GPR158: variants seen among roughly 807,000 people sequenced by gnomAD.
The protein encoded by GPR158 is G protein-coupled receptor 158.
Under a neutral mutation model 78.2 loss-of-function variants are expected in GPR158, and 30 were observed. The ratio of observed to expected loss-of-function variants is 0.38; its 90% CI spans 0.29 to 0.52. The LOEUF (loss-of-function observed/expected upper bound fraction) is 0.52, where lower values mean the gene tolerates loss of function less well. GPR158 is among the 20% of genes least tolerant of loss of function. The pLI is 0.83. For missense variants in GPR158, 1,463 were observed against 1,523.5 expected (o/e 0.96, Z 0.66); for synonymous variants, 581 against 591.1 (o/e 0.98, Z 0.25).
In GPR158 at chr10:25,187,811, G is replaced by C. The variant is rs533553184; in HGVS notation, c.902+11489G>C. Reference sequence around the variant, plus strand: ...AATCAGGCAGGAGAAAGAAATAAAGGGTATTCAATTAGGAAAAGAGGAAGT... The same window carrying C: ...AATCAGGCAGGAGAAAGAAATAAAGCGTATTCAATTAGGAAAAGAGGAAGT... On this transcript the variant is annotated intron_variant, in intron 1 of 10. Coordinates refer to ENST00000376351, the MANE Select transcript of GPR158 (RefSeq NM_020752.3). Among the ~76,000 whole-genome samples the C allele has an allele frequency of 2.6e-4, 40 of 152,138 alleles. 1 individual carries two copies. The East Asian group carries it at 7.7e-3, about 29-fold the overall frequency.
intron 5 of GPR158, among the ~76,000 whole-genome samples, chr10:25,498,319 T>C (rs533908607): frequency 6.6e-6 from 1 of 152,204 alleles, no homozygotes; most frequent in Non-Finnish European, 1.5e-5. Context: ...TCATTCATTA[T>C]GTTGAGAATT....
chr10:25,266,120 T>C (rs1854042153), intron 2 of GPR158, among the ~76,000 whole-genome samples: 1 of 152,200 alleles, frequency 6.6e-6, no homozygotes, highest in Non-Finnish European at 1.5e-5. Context: ...TTAATCCCTG[T>C]AGCCTTCAGA....
At chr10:25,463,107 T>C (rs1177861351) in intron 4 of GPR158, among the ~76,000 whole-genome samples, 1 of 152,164 alleles carries the variant, frequency 6.6e-6, no homozygotes, top group Admixed American at 6.6e-5. Flanking sequence ...ACCACCCTTA[T>C]CAGTCAGCAG....
chr10:25,481,747 CAG>C lies in GPR158; in HGVS notation c.1404+15031_1404+15032del, dbSNP rs538861732. On this transcript the variant is annotated intron_variant, in intron 5 of 10. Coordinates refer to ENST00000376351, the MANE Select transcript of GPR158 (RefSeq NM_020752.3). Reference sequence around the variant, plus strand: ...ACCATTTTCCTTCCCACCAGCAATGCAGAGTGTTTCAACTTCTCCATATCCAC... The same window carrying C: ...ACCATTTTCCTTCCCACCAGCAATGCAGTGTTTCAACTTCTCCATATCCAC... 1.8e-3 allele frequency among the ~76,000 whole-genome samples: 280 copies of C among 152,272 alleles called. 2 individuals carry two copies. The highest frequency in any genetic ancestry group is 6.2e-3 in the African/African-American group (258 of 41,550).
At chr10:25,374,094 A>T (rs1834042380) in intron 2 of GPR158, among the ~76,000 whole-genome samples, 1 of 151,696 alleles carries the variant, frequency 6.6e-6, no homozygotes, top group Non-Finnish European at 1.5e-5. Context: ...TATTAAGTTT[A>T]AATGTATATT....
intron 5 of GPR158, among the ~76,000 whole-genome samples, chr10:25,515,481 C>G (rs1836153435): frequency 6.9e-6 from 1 of 145,710 alleles, no homozygotes; most frequent in Non-Finnish European, 1.5e-5. Context: ...AACTCGTCAT[C>G]TAGCATTAGG....
At chr10:25,406,152 C>A (rs921737286) in intron 3 of GPR158, among the ~76,000 whole-genome samples, 1 of 152,130 alleles carries the variant, frequency 6.6e-6, no homozygotes, top group Non-Finnish European at 1.5e-5. Flanking sequence ...AATTTATTTT[C>A]TTTTCTGCCT....
chr10:25,495,347 G>A (rs1835866814), intron 5 of GPR158, among the ~76,000 whole-genome samples: 1 of 143,056 alleles, frequency 7.0e-6, no homozygotes, highest in Non-Finnish European at 1.5e-5. Flanking sequence ...CATCAGGCTG[G>A]AGTGGCACGA....
At chr10:25,324,498 T>C (rs1854999423) in intron 2 of GPR158, among the ~76,000 whole-genome samples, 1 of 152,162 alleles carries the variant, frequency 6.6e-6, no homozygotes, top group Admixed American at 6.5e-5. Context: ...GTTCATGGTA[T>C]CCCAAACAAT....
chr10:25,238,065 C>CCCTT (rs1554786775), intron 2 of GPR158, among the ~76,000 whole-genome samples: 2 of 151,800 alleles, frequency 1.3e-5, no homozygotes, highest in East Asian at 3.9e-4. Context: ...TCTTTTCTCT[C>CCCTT]CTTCTTCTTC....
chr10:25,553,196 A>G (rs1836748209), intron 6 of GPR158, among the ~76,000 whole-genome samples: 1 of 152,242 alleles, frequency 6.6e-6, no homozygotes, highest in African/African-American at 2.4e-5. Flanking sequence ...TAAAGAAATT[A>G]TTAGCTGATG....
Position 25,266,230 on chromosome 10 carries a change from C to G in GPR158, c.1008+45073C>G, listed in dbSNP as rs373756861. 2.0e-3 allele frequency among the ~76,000 whole-genome samples: 306 copies of G among 152,270 alleles called. 12 individuals are homozygous for G. In the South Asian group the frequency reaches 0.057, roughly 28 times the overall value. ...GGTTTCTTTCTTTCAGAGAAGTTAT[C>G]TCTGTCTGAAATTTACATGTTTAAG... On this transcript the variant is annotated intron_variant, in intron 2 of 10. Coordinates refer to ENST00000376351, the MANE Select transcript of GPR158 (RefSeq NM_020752.3).
At chr10:25,590,526 C>G (rs1837327860) in intron 8 of GPR158, among the ~76,000 whole-genome samples, 1 of 152,192 alleles carries the variant, frequency 6.6e-6, no homozygotes, top group African/African-American at 2.4e-5. Flanking sequence ...AGAGCTCAAA[C>G]AGCCTTGACA....
At chr10:25,358,834 A>G (rs1182847125) in intron 2 of GPR158, among the ~76,000 whole-genome samples, 1 of 152,134 alleles carries the variant, frequency 6.6e-6, no homozygotes, top group African/African-American at 2.4e-5. Context: ...ATATACTTAC[A>G]TAACTTTAAT....
intron 2 of GPR158, among the ~76,000 whole-genome samples, chr10:25,379,434 A>G (rs771081530): frequency 1.3e-5 from 2 of 152,154 alleles, no homozygotes; most frequent in Non-Finnish European, 2.9e-5. Flanking sequence ...GGCTCAAACT[A>G]GTTTTTATTC....
chr10:25,501,662 C>T (rs903114257), intron 5 of GPR158, among the ~76,000 whole-genome samples: 2 of 152,124 alleles, frequency 1.3e-5, no homozygotes, highest in East Asian at 1.9e-4. Context: ...GGCCAGTGTG[C>T]GCTCAGAGAG....
intron 2 of GPR158, among the ~76,000 whole-genome samples, chr10:25,319,595 A>G (rs1254264162): frequency 6.6e-6 from 1 of 152,216 alleles, no homozygotes; most frequent in Non-Finnish European, 1.5e-5. Flanking sequence ...CTAGTTAATG[A>G]GGAACCTTAT....
At chr10:25,449,966 A>C (rs1835191587) in intron 4 of GPR158, among the ~76,000 whole-genome samples, 1 of 151,084 alleles carries the variant, frequency 6.6e-6, no homozygotes, top group South Asian at 2.1e-4. Context: ...AGAGCTAAGT[A>C]AACTGAGAAG....
At chr10:25,285,269 A>C (rs1040127905) in intron 2 of GPR158, among the ~76,000 whole-genome samples, 2 of 138,166 alleles carry the variant, frequency 1.4e-5, no homozygotes, top group African/African-American at 7.0e-5. Context: ...CTCTCTCTCT[A>C]CACACACACA....
Sources: gnomAD v4.1 joint callset for allele counts (sites outside exome capture counted in the v4.1 genomes callset) on GRCh38, gnomAD v4.1.1 for gene constraint, MANE v1.5 for transcripts, NCBI Gene and HGNC (gene_info 2026-07-23, HGNC 2026-07-21) for gene names.